Variants in SND1 observed in about 807,000 individuals in gnomAD.
SND1 encodes the protein staphylococcal nuclease domain-containing protein 1.
Under a neutral mutation model 121.7 loss-of-function variants are expected in SND1, and 38 were observed. The observed-to-expected ratio is 0.31, with a 90% CI of 0.24 to 0.41. The LOEUF (loss-of-function observed/expected upper bound fraction) is 0.41. SND1 is among the 10% of genes least tolerant of loss of function. The probability of loss-of-function intolerance (pLI) is 1.00; values close to 1 mark genes in which losing one functional copy is unlikely to be tolerated. For synonymous variants in SND1, 401 were observed against 447.4 expected (o/e 0.90, Z 1.31); for missense variants, 868 against 1,184.6 (o/e 0.73, Z 3.92).
At chr7:127,780,651 T>C (rs542847720) in intron 10 of SND1, among the ~76,000 whole-genome samples, 1 of 152,374 alleles carries the variant, frequency 6.6e-6, no homozygotes, top group South Asian at 2.1e-4. Context: ...GTCCCAGTGT[T>C]CTCTGTTTAG....
intron 11 of SND1, among the ~76,000 whole-genome samples, chr7:127,816,730 C>T (rs1387034995): frequency 6.9e-6 from 1 of 144,164 alleles, no homozygotes; most frequent in Non-Finnish European, 1.5e-5. Flanking sequence ...GTGATGCGAT[C>T]TTGGCTCACT....
intron 10 of SND1, among the ~76,000 whole-genome samples, chr7:127,800,187 T>C (rs1475490386): frequency 1.3e-5 from 2 of 152,228 alleles, no homozygotes; most frequent in African/African-American, 4.8e-5. Flanking sequence ...TAAAATGGCA[T>C]GTGTGGCAGG....
intron 11 of SND1, among the ~76,000 whole-genome samples, chr7:127,837,394 A>G (rs997964615): frequency 2.6e-5 from 4 of 152,260 alleles, no homozygotes; most frequent in African/African-American, 9.6e-5. Flanking sequence ...TGCATTAAAT[A>G]AAAAATCATA....
chr7:127,672,600 A>C (rs1193840863), intron 1 of SND1, among the ~76,000 whole-genome samples: 2 of 151,818 alleles, frequency 1.3e-5, no homozygotes, highest in Non-Finnish European at 2.9e-5. Context: ...GCGACAGAGC[A>C]AAACTCCATC....
chr7:127,715,133 ATT>A (rs1205008265), intron 9 of SND1, among the ~76,000 whole-genome samples: 1 of 145,284 alleles, frequency 6.9e-6, no homozygotes, highest in Non-Finnish European at 1.5e-5. Flanking sequence ...CCTCACCAAC[ATT>A]TGTTATTTTC....
At chr7:127,873,314 C>T (rs771885823) in intron 12 of SND1, among the ~76,000 whole-genome samples, 3 of 152,064 alleles carry the variant, frequency 2.0e-5, no homozygotes, top group African/African-American at 4.8e-5. Context: ...AAGACAGAGT[C>T]CTTCCCTCTT....
intron 14 of SND1, among the ~76,000 whole-genome samples, chr7:127,922,451 A>C (rs546592005): frequency 3.6e-4 from 54 of 152,042 alleles, no homozygotes; most frequent in Admixed American, 5.9e-4. Flanking sequence ...TCTCTTCCTA[A>C]GTATTTGCCA....
intron 16 of SND1, among the ~76,000 whole-genome samples, chr7:128,034,689 T>C (rs1221567763): frequency 6.6e-6 from 1 of 152,196 alleles, no homozygotes; most frequent in Non-Finnish European, 1.5e-5. Flanking sequence ...CTGCCATCCA[T>C]GAAGGTGACT....
intron 20 of SND1, among the ~76,000 whole-genome samples, chr7:128,086,247 G>C (rs2117066524): frequency 6.6e-6 from 1 of 152,346 alleles, no homozygotes; most frequent in African/African-American, 2.4e-5. Context: ...TTCTCCGGCT[G>C]GGCCTGGGAG....
At chr7:127,961,702 A>C (rs985328449) in intron 15 of SND1, among the ~76,000 whole-genome samples, 5 of 152,220 alleles carry the variant, frequency 3.3e-5, no homozygotes, top group Non-Finnish European at 5.9e-5. Flanking sequence ...TGAAAGCAGA[A>C]AGATTGCCTG....
At chr7:128,059,495 ATACT>A (rs1167886799) in intron 16 of SND1, among the ~76,000 whole-genome samples, 1 of 152,244 alleles carries the variant, frequency 6.6e-6, no homozygotes, top group Non-Finnish European at 1.5e-5. Flanking sequence ...GTCTCTTTAC[ATACT>A]TACTGATTTT....
At position 127,741,833 on chromosome 7, in the gene SND1, T is replaced by C. The variant is rs541108221; in HGVS notation, c.1152+20433T>C. 6.6e-5 allele frequency among the ~76,000 whole-genome samples: 10 copies of C among 152,304 alleles called. No homozygotes were observed. In the South Asian group the frequency reaches 2.1e-3, roughly 32 times the overall value. On this transcript the variant is annotated intron_variant, in intron 10 of 23. Coordinates refer to ENST00000354725, the MANE Select transcript of SND1 (RefSeq NM_014390.4). ...GTAGCTCAGATCTCCTTAAAAGTCT[T>C]ATTGTTAATCCCCTCAGTGTTTCCC...
intron 2 of SND1, among the ~76,000 whole-genome samples, chr7:127,694,112 G>A (rs983286030): frequency 2.1e-4 from 32 of 152,310 alleles, no homozygotes; most frequent in African/African-American, 6.7e-4. Context: ...TCCCAAGGAT[G>A]TTGGGACCTG....
chr7:127,800,509 A>C (rs1798106805), intron 10 of SND1, among the ~76,000 whole-genome samples: 1 of 152,224 alleles, frequency 6.6e-6, no homozygotes, highest in African/African-American at 2.4e-5. Flanking sequence ...TATGAGGAAA[A>C]GAATGGCCAG....
intron 14 of SND1, 65 bp from the exon 15 acceptor site, chr7:127,929,123 C>A: frequency 6.4e-7 from 1 of 1,552,230 alleles, no homozygotes; most frequent in Non-Finnish European, 8.8e-7. Flanking sequence ...TTGTCCTAGA[C>A]TATAAAGAAA....
chr7:127,813,951 G>C (rs548068457), intron 11 of SND1, among the ~76,000 whole-genome samples: 8 of 152,308 alleles, frequency 5.3e-5, no homozygotes, highest in Non-Finnish European at 1.0e-4. Flanking sequence ...GTTTTCAACT[G>C]CGTTCCTGGA....
At chr7:128,071,555 G>T (rs567060322) in intron 16 of SND1, among the ~76,000 whole-genome samples, 1 of 152,190 alleles carries the variant, frequency 6.6e-6, no homozygotes, top group Non-Finnish European at 1.5e-5. Context: ...TAACTTCCTG[G>T]CAGTCAATGT....
At chr7:128,000,850 A>C (rs1036133390) in intron 16 of SND1, among the ~76,000 whole-genome samples, 3 of 152,254 alleles carry the variant, frequency 2.0e-5, no homozygotes, top group African/African-American at 7.2e-5. Context: ...CTGAGCCACC[A>C]GCAGAGCACA....
At position 127,845,089 on chromosome 7, in the gene SND1, C is replaced by T. The variant is rs561033369; in HGVS notation, c.1343+665C>T. Among the ~76,000 whole-genome samples the T allele has an allele frequency of 9.8e-5, 15 of 152,310 alleles. No homozygotes were observed. The South Asian group carries it at 2.5e-3, about 25-fold the overall frequency. On this transcript the variant is annotated intron_variant, in intron 12 of 23. Transcript: ENST00000354725. The stretch of plus-strand genomic sequence containing the variant: ...CTTTTCCATTTAACAATCTTATATG[C>T]TAGTTGTTACCAAACTGTTATTTTT...
Sources: allele counts gnomAD v4.1 joint callset (sites outside exome capture counted in the v4.1 genomes callset), GRCh38; gene constraint gnomAD v4.1.1; transcripts MANE v1.5; gene names NCBI Gene and HGNC (gene_info 2026-07-23, HGNC 2026-07-21).